Variants in AKNAD1 observed in about 807,000 individuals in gnomAD.
The protein encoded by AKNAD1 is protein AKNAD1.
A neutral mutation model predicts 90.8 loss-of-function variants in AKNAD1; 67 were observed. That is an observed-to-expected ratio of 0.74 (90% confidence interval 0.61 to 0.90). The LOEUF is 0.90. Among genes scored for constraint, AKNAD1 ranks in the 40% least tolerant of loss-of-function variants. The pLI is 0.00. For synonymous variants in AKNAD1, 327 were observed against 341.4 expected (o/e 0.96, Z 0.46); for missense variants, 957 against 975.4 (o/e 0.98, Z 0.25).
intron 2 of AKNAD1, among the ~76,000 whole-genome samples, chr1:108,850,493 G>A (rs1188389805): frequency 1.3e-5 from 2 of 152,142 alleles, no homozygotes; most frequent in Non-Finnish European, 2.9e-5. Flanking sequence ...GGGGGTGTAG[G>A]TTTCTCTCAG....
At chr1:108,816,343 A>G (rs984123866) in intron 15 of AKNAD1, 41 bp from the exon 16 acceptor site, 4 of 1,578,482 alleles carry the variant, frequency 2.5e-6, no homozygotes, top group Non-Finnish European at 3.4e-6. Flanking sequence ...ACATAAACTA[A>G]CTGCTGTTTC....
chr1:108,827,739 G>A (rs7554124), intron 10 of AKNAD1, among the ~76,000 whole-genome samples: 47,690 of 148,558 alleles, frequency 0.32, 8,447 homozygotes, highest in Non-Finnish European at 0.34. Context: ...GCGGGAACCC[G>A]GGAGGCGGAG....
At chr1:108,835,114 C>T in intron 7 of AKNAD1, 58 bp from the exon 8 acceptor site, 1 of 1,542,886 alleles carries the variant, frequency 6.5e-7, no homozygotes, top group Non-Finnish European at 8.7e-7. Flanking sequence ...GGAGGTGACT[C>T]AAAATCAGTT....
chr1:108,852,904 A>ATACGG, intron 1 of AKNAD1, 137 bp from the exon 2 acceptor site: 1 of 358,120 alleles, frequency 2.8e-6, no homozygotes, highest in Admixed American at 4.5e-5. Context: ...CCACAAGCTG[A>ATACGG]CCCAACCTCA....
intron 10 of AKNAD1, among the ~76,000 whole-genome samples, chr1:108,828,266 TGAA>T (rs1397790334): frequency 1.3e-5 from 2 of 151,522 alleles, no homozygotes; most frequent in African/African-American, 4.8e-5. Flanking sequence ...AGGGAGCACG[TGAA>T]GGTGATTTTA....
chr1:108,850,063 A>G (rs1210439865), intron 2 of AKNAD1, among the ~76,000 whole-genome samples: 2 of 152,196 alleles, frequency 1.3e-5, no homozygotes, highest in Non-Finnish European at 2.9e-5. Context: ...GCCACACTCT[A>G]GAGAATAACA....
chr1:108,821,276 C>G (rs1340146929), intron 13 of AKNAD1, among the ~76,000 whole-genome samples: 9 of 152,030 alleles, frequency 5.9e-5, no homozygotes, highest in Non-Finnish European at 7.4e-5. Flanking sequence ...CATGGTGAAA[C>G]CCTGTCTCTA....
intron 1 of AKNAD1, among the ~76,000 whole-genome samples, 171 bp from the exon 2 acceptor site, chr1:108,852,938 A>G (rs915541476): frequency 3.3e-5 from 5 of 152,014 alleles, no homozygotes; most frequent in Admixed American, 1.3e-4. Flanking sequence ...TAACACAATC[A>G]GTAGAATAAC....
At position 108,828,470 on chromosome 1, in the gene AKNAD1, G is replaced by A. The variant is rs369234097; in HGVS notation, c.1839-1168C>T. ...TCCTGGGATACAGTCATAGCCCCCA[G>A]GGAAAGTTGTTCATTCTTAGTATGG... On this transcript the variant is annotated intron_variant, in intron 10 of 15. Coordinates refer to ENST00000370001, the MANE Select transcript of AKNAD1 (RefSeq NM_152763.5). 2.6e-5 allele frequency among the ~76,000 whole-genome samples: 4 copies of A among 151,850 alleles called. 1 individual carries two copies. Among genetic ancestry groups the A allele is most frequent in the African/African-American group, 9.6e-5 (4 of 41,542 alleles).
At chr1:108,847,115 G>A (rs1270687824) in intron 5 of AKNAD1, among the ~76,000 whole-genome samples, 1 of 152,036 alleles carries the variant, frequency 6.6e-6, no homozygotes, top group African/African-American at 2.4e-5. Context: ...TGTGCCTTCA[G>A]CCTTGCCCCC....
chr1:108,827,585 C>T (rs1036162641), intron 10 of AKNAD1, among the ~76,000 whole-genome samples: 1 of 149,270 alleles, frequency 6.7e-6, no homozygotes, highest in Non-Finnish European at 1.5e-5. Context: ...GAGGCTGAGG[C>T]GGGCGGATCA....
At chr1:108,853,265 G>T (rs1473305550) in intron 1 of AKNAD1, among the ~76,000 whole-genome samples, 2 of 151,488 alleles carry the variant, frequency 1.3e-5, no homozygotes, top group African/African-American at 4.9e-5. Context: ...CCGAGCAGCC[G>T]GGACTACAGG....
chr1:108,841,893 G>T (rs1203584846), intron 6 of AKNAD1, among the ~76,000 whole-genome samples: 2 of 152,148 alleles, frequency 1.3e-5, no homozygotes, highest in African/African-American at 4.8e-5. Flanking sequence ...TGTAATTGCA[G>T]TTGAAGCTCT....
Position 108,816,124 on chromosome 1 carries a change from T to G in AKNAD1, c.*47A>C. 1 of 1,492,724 alleles carries G rather than the reference T, an allele frequency of 6.7e-7. No individual in the cohort carries two copies. The highest frequency in any genetic ancestry group is 8.9e-7 in the Non-Finnish European group (1 of 1,122,368). 92.5% of individuals were successfully genotyped at this position (1,492,724 alleles called of 1,614,324 possible). On this transcript the variant is annotated 3_prime_UTR_variant, in exon 16 of 16. Transcript: ENST00000370001. ...AATACATTTTGGGGGAAGATCAAGT[T>G]TTCTTTGCATTTTTTTCTTTTGAAT...
chr1:108,856,776 G>A (rs945244968), intron 1 of AKNAD1, among the ~76,000 whole-genome samples, 153 bp downstream of exon 1: 1 of 145,230 alleles, frequency 6.9e-6, no homozygotes. Flanking sequence ...AGAAAGAAAG[G>A]AAAAGAAAAG....
intron 2 of AKNAD1, among the ~76,000 whole-genome samples, chr1:108,850,627 A>G (rs1664825447): frequency 7.4e-6 from 1 of 134,782 alleles, no homozygotes. Flanking sequence ...GAAAATGGAA[A>G]TGGAAATTAA....
At chr1:108,818,206 C>G (rs1461499430) in intron 14 of AKNAD1, among the ~76,000 whole-genome samples, 1 of 152,176 alleles carries the variant, frequency 6.6e-6, no homozygotes, top group Non-Finnish European at 1.5e-5. Context: ...ATAGAGCCAC[C>G]CTCACAGCTT....
intron 14 of AKNAD1, among the ~76,000 whole-genome samples, chr1:108,819,719 C>G (rs1177046241): frequency 6.6e-6 from 1 of 151,536 alleles, no homozygotes; most frequent in Non-Finnish European, 1.5e-5. Context: ...TGAGACTAGC[C>G]TGGGCAACAT....
intron 5 of AKNAD1, 159 bp from the exon 6 acceptor site, chr1:108,843,426 A>T (rs1664611667): frequency 1.2e-6 from 1 of 859,232 alleles, no homozygotes; most frequent in African/African-American, 1.7e-5. Context: ...TCTGACATCT[A>T]AACTACAGAC....
Sources: gnomAD v4.1 joint callset for allele counts (sites outside exome capture counted in the v4.1 genomes callset) on GRCh38, gnomAD v4.1.1 for gene constraint, MANE v1.5 for transcripts, NCBI Gene and HGNC (gene_info 2026-07-23, HGNC 2026-07-21) for gene names.